The following ENOX2 variants were observed in gnomAD, a reference collection of about 807,000 sequenced individuals.
ENOX2 encodes the protein ecto-NOX disulfide-thiol exchanger 2.
Under a neutral mutation model 45.0 loss-of-function variants are expected in ENOX2, and 36 were observed. The observed-to-expected ratio is 0.80, with a 90% confidence interval of 0.61 to 1.06. ENOX2 has a LOEUF of 1.06. Among genes scored for constraint, ENOX2 ranks in the 50% least tolerant of loss-of-function variants. The pLI is 0.00. For missense variants in ENOX2, 423 were observed against 462.5 expected (o/e 0.91, Z 0.78); for synonymous variants, 174 against 152.3 (o/e 1.14, Z -1.05).
chrX:130,688,049 G>A (rs771317968), intron 5 of ENOX2, among the ~76,000 whole-genome samples: 1 of 112,290 alleles, frequency 8.9e-6, no homozygotes, highest in Non-Finnish European at 1.9e-5. Flanking sequence ...TTGTACTGCA[G>A]TGGTGGTTCC....
At chrX:130,791,194 T>A (rs2148411094) in intron 2 of ENOX2, among the ~76,000 whole-genome samples, 1 of 111,556 alleles carries the variant, frequency 9.0e-6, no homozygotes, top group Admixed American at 9.5e-5. Flanking sequence ...TCCTGAGCCT[T>A]TTAGAGCATG....
At position 130,719,907 on chromosome X, in the gene ENOX2, C is replaced by G. The variant is rs146273441; in HGVS notation, c.-38-16653G>C. Among the ~76,000 whole-genome samples, 9 of 111,626 alleles carry G rather than the reference C, an allele frequency of 8.1e-5. No individual in the cohort carries two copies. The East Asian group carries it at 2.2e-3, about 28-fold the overall frequency. ...AGAATAAAAACAATACTATAATATG[C>G]AGTTAAAAGGAGAAAATAGGATAGG... is the stretch of plus-strand genomic sequence containing the variant. On this transcript the variant is annotated intron_variant, in intron 3 of 14. Coordinates refer to ENST00000394363, the MANE Select transcript of ENOX2 (RefSeq NM_006375.4).
At chrX:130,735,632 A>T (rs2038842910) in intron 3 of ENOX2, among the ~76,000 whole-genome samples, 1 of 112,606 alleles carries the variant, frequency 8.9e-6, no homozygotes, top group Non-Finnish European at 1.9e-5. Context: ...AAAGAATATT[A>T]AAAAATACAA....
intron 14 of ENOX2, among the ~76,000 whole-genome samples, chrX:130,627,558 G>A (rs747055724): frequency 5.0e-4 from 56 of 111,586 alleles, no homozygotes; most frequent in African/African-American, 1.6e-3. Context: ...TCCAGCCTGG[G>A]CAACAGAGTG....
intron 10 of ENOX2, among the ~76,000 whole-genome samples, chrX:130,641,993 C>T (rs765685685): frequency 6.3e-5 from 7 of 111,903 alleles, no homozygotes; most frequent in Non-Finnish European, 1.1e-4. Context: ...ACATCCATAC[C>T]GTAGCCTGTG....
chrX:130,632,146 A>G (rs895768091), intron 12 of ENOX2, among the ~76,000 whole-genome samples: 3 of 110,897 alleles, frequency 2.7e-5, no homozygotes, highest in African/African-American at 6.5e-5. Flanking sequence ...TGAACTAAAA[A>G]TTAGAGCTTA....
intron 2 of ENOX2, among the ~76,000 whole-genome samples, chrX:130,802,768 C>T (rs1454837794): frequency 9.0e-6 from 1 of 111,566 alleles, no homozygotes; most frequent in African/African-American, 3.3e-5. Flanking sequence ...TGTACTATTG[C>T]CTAGTTAATT....
At chrX:130,813,157 A>T (rs1052595324) in intron 2 of ENOX2, among the ~76,000 whole-genome samples, 5 of 112,057 alleles carry the variant, frequency 4.5e-5, no homozygotes, top group African/African-American at 1.6e-4. Context: ...GATAAGGGAT[A>T]CTCAACCTAC....
At chrX:130,646,275 C>T (rs138780900) in intron 10 of ENOX2, 228 of 393,884 alleles carry the variant, frequency 5.8e-4, no homozygotes, top group African/African-American at 5.1e-3. Context: ...CCTACTGGGA[C>T]CCCATAGCAA....
intron 3 of ENOX2, among the ~76,000 whole-genome samples, chrX:130,756,748 T>A (rs1236250296): frequency 8.9e-6 from 1 of 112,339 alleles, no homozygotes; most frequent in African/African-American, 3.2e-5. Flanking sequence ...TGCCATACTC[T>A]GCCCGTTTTC....
At chrX:130,871,568 G>A (rs1318594727) in intron 2 of ENOX2, among the ~76,000 whole-genome samples, 2 of 111,488 alleles carry the variant, frequency 1.8e-5, no homozygotes, top group Non-Finnish European at 3.8e-5. Flanking sequence ...GGCTTTCTGT[G>A]ATGTACAGGA....
intron 5 of ENOX2, among the ~76,000 whole-genome samples, chrX:130,681,482 G>C (rs1407283608): frequency 9.0e-6 from 1 of 111,508 alleles, no homozygotes; most frequent in Admixed American, 9.5e-5. Flanking sequence ...CTAAATCTCT[G>C]ATATTACAGA....
At chrX:130,898,729 T>C (rs966039280) in intron 2 of ENOX2, among the ~76,000 whole-genome samples, 4 of 108,799 alleles carry the variant, frequency 3.7e-5, no homozygotes, top group African/African-American at 1.4e-4. Flanking sequence ...AAGATGTTCT[T>C]TTTTTTCTTT....
intron 2 of ENOX2, among the ~76,000 whole-genome samples, chrX:130,853,008 C>T: frequency 9.0e-6 from 1 of 110,746 alleles, no homozygotes; most frequent in Non-Finnish European, 1.9e-5. Flanking sequence ...AACATAAGAA[C>T]ATTTTCAAAG....
In ENOX2 at chrX:130,891,178, A is replaced by T. The variant is rs915884067; in HGVS notation, c.-183+10506T>A. Among the ~76,000 whole-genome samples, 6 of 110,520 alleles carry T rather than the reference A, an allele frequency of 5.4e-5. No homozygotes were observed. In the Admixed American group the frequency reaches 5.8e-4, roughly 11 times the overall value. ...CAAGAGAGTGAGATCCCACCTCTTAAATAAATAAATAAATAAAATTTTAAA... is the reference window on the plus strand; with the variant it reads ...CAAGAGAGTGAGATCCCACCTCTTATATAAATAAATAAATAAAATTTTAAA... On this transcript the variant is annotated intron_variant, in intron 2 of 14. Coordinates refer to ENST00000394363, the MANE Select transcript of ENOX2 (RefSeq NM_006375.4).
chrX:130,801,623 T>C (rs1286482079), intron 2 of ENOX2, among the ~76,000 whole-genome samples: 1 of 112,054 alleles, frequency 8.9e-6, no homozygotes, highest in Non-Finnish European at 1.9e-5. Context: ...ACAAAAGAGA[T>C]GAAATTCTTA....
chrX:130,842,477 C>G (rs2078031980), intron 2 of ENOX2, among the ~76,000 whole-genome samples: 1 of 111,689 alleles, frequency 9.0e-6, no homozygotes, highest in Non-Finnish European at 1.9e-5. Context: ...TACTCTACCC[C>G]CTTGGAAGAA....
intron 3 of ENOX2, among the ~76,000 whole-genome samples, chrX:130,768,626 T>C (rs2039669773): frequency 8.9e-6 from 1 of 111,934 alleles, no homozygotes; most frequent in Non-Finnish European, 1.9e-5. Context: ...CAAATTCTTG[T>C]CCTGGAGGAA....
intron 2 of ENOX2, among the ~76,000 whole-genome samples, chrX:130,880,353 T>C (rs1347386699): frequency 1.1e-4 from 12 of 111,419 alleles, no homozygotes; most frequent in African/African-American, 3.6e-4. Context: ...TATTTTTTTT[T>C]CCCAGTACTT....
Sources: gnomAD v4.1 joint callset for allele counts (sites outside exome capture counted in the v4.1 genomes callset) on GRCh38, gnomAD v4.1.1 for gene constraint, MANE v1.5 for transcripts, NCBI Gene and HGNC (gene_info 2026-07-23, HGNC 2026-07-21) for gene names.